The following NKAIN3 variants were observed in gnomAD, a reference collection of about 807,000 sequenced individuals.
The protein encoded by NKAIN3 is sodium/potassium transporting ATPase interacting 3.
A neutral mutation model predicts 30.2 loss-of-function variants in NKAIN3; 25 were observed. The observed-to-expected ratio is 0.83, with a 90% CI of 0.60 to 1.16. The LOEUF (loss-of-function observed/expected upper bound fraction) is 1.16, where lower values mean the gene tolerates loss of function less well. NKAIN3 is among the 50% of genes most tolerant of loss of function. The probability of loss-of-function intolerance (pLI) is 0.00; values close to 1 mark genes in which losing one functional copy is unlikely to be tolerated. For synonymous variants in NKAIN3, 91 were observed against 89.6 expected, an observed-to-expected ratio of 1.02 and a Z score of -0.09; for missense variants, 225 against 254.1, an observed-to-expected ratio of 0.89 and a Z score of 0.78.
chr8:62,855,466 A>T, intron 4 of NKAIN3: 24 of 1,276,176 alleles, frequency 1.9e-5, no homozygotes, highest in Non-Finnish European at 2.6e-5. Flanking sequence ...TGCTTCCAAA[A>T]TCTTCATTAT....
chr8:62,489,183 A>ATG (rs1806993792), intron 1 of NKAIN3, among the ~76,000 whole-genome samples: 1 of 142,592 alleles, frequency 7.0e-6, no homozygotes, highest in Non-Finnish European at 1.5e-5. Context: ...CACCTGGCTA[A>ATG]TTTTTTTTTT....
At chr8:62,399,752 A>T (rs1313835957) in intron 1 of NKAIN3, among the ~76,000 whole-genome samples, 1 of 152,192 alleles carries the variant, frequency 6.6e-6, no homozygotes, top group Non-Finnish European at 1.5e-5. Flanking sequence ...CATCTGCCTA[A>T]ATGAAAGACA....
chr8:62,619,759 C>A (rs1811567279), intron 3 of NKAIN3, among the ~76,000 whole-genome samples: 1 of 150,614 alleles, frequency 6.6e-6, no homozygotes, highest in Non-Finnish European at 1.5e-5. Context: ...GTTGGTAAAA[C>A]CACTGAACGA....
intron 4 of NKAIN3, among the ~76,000 whole-genome samples, chr8:62,891,171 T>C (rs1186229395): frequency 2.0e-5 from 3 of 152,152 alleles, no homozygotes; most frequent in Non-Finnish European, 4.4e-5. Context: ...AGACCCACCG[T>C]CAATGTGGGT....
At chr8:62,684,102 G>A (rs1187822021) in intron 3 of NKAIN3, among the ~76,000 whole-genome samples, 1 of 152,066 alleles carries the variant, frequency 6.6e-6, no homozygotes, top group Non-Finnish European at 1.5e-5. Flanking sequence ...TCAACTTGAG[G>A]TCCACAGGCC....
intron 1 of NKAIN3, among the ~76,000 whole-genome samples, chr8:62,394,313 C>A (rs898754753): frequency 1.3e-5 from 2 of 151,932 alleles, no homozygotes; most frequent in African/African-American, 4.8e-5. Flanking sequence ...CTAAGATAAT[C>A]TTACAGTTTT....
intron 1 of NKAIN3, among the ~76,000 whole-genome samples, chr8:62,536,160 T>C (rs1808654842): frequency 6.6e-6 from 1 of 152,158 alleles, no homozygotes; most frequent in South Asian, 2.1e-4. Context: ...GGAGCATTAA[T>C]TATAAGTGAA....
intron 4 of NKAIN3, among the ~76,000 whole-genome samples, chr8:62,905,116 T>A (rs1283410842): frequency 1.3e-5 from 2 of 152,026 alleles, no homozygotes; most frequent in Non-Finnish European, 2.9e-5. Context: ...AGACTAGAGA[T>A]GGATCAACTA....
chr8:62,496,535 C>A (rs917654865), intron 1 of NKAIN3, among the ~76,000 whole-genome samples: 1 of 152,152 alleles, frequency 6.6e-6, no homozygotes, highest in Admixed American at 6.6e-5. Context: ...CTGGTTAACA[C>A]ATAAAACTGC....
intron 4 of NKAIN3, among the ~76,000 whole-genome samples, chr8:62,910,876 A>G (rs1261435611): frequency 6.6e-6 from 1 of 152,116 alleles, no homozygotes; most frequent in Non-Finnish European, 1.5e-5. Context: ...TGTTCTCAAG[A>G]GACGTTCTCA....
At chr8:62,775,150 G>A (rs1048474700) in intron 4 of NKAIN3, among the ~76,000 whole-genome samples, 2 of 151,942 alleles carry the variant, frequency 1.3e-5, no homozygotes, top group African/African-American at 4.8e-5. Flanking sequence ...ATGTGTCCAG[G>A]AATTTATCTA....
intron 1 of NKAIN3, among the ~76,000 whole-genome samples, chr8:62,571,100 G>C (rs1235255822): frequency 6.6e-6 from 1 of 151,214 alleles, no homozygotes; most frequent in South Asian, 2.1e-4. Context: ...GTATTTCCTA[G>C]GCCATTTCAA....
chr8:62,829,464 G>C (rs562171169), intron 4 of NKAIN3, among the ~76,000 whole-genome samples: 25 of 152,234 alleles, frequency 1.6e-4, no homozygotes, highest in African/African-American at 5.5e-4. Flanking sequence ...AAAAAATACC[G>C]TAAGCAAACC....
At chr8:62,337,222 G>C (rs576456394) in intron 1 of NKAIN3, among the ~76,000 whole-genome samples, 1 of 152,020 alleles carries the variant, frequency 6.6e-6, no homozygotes, top group Non-Finnish European at 1.5e-5. Context: ...ATTTTCACTG[G>C]TCAATGCAAT....
chr8:62,305,160 A>T lies in NKAIN3; in HGVS notation c.54+56033A>T, dbSNP rs142059539. Among the ~76,000 whole-genome samples the T allele has an allele frequency of 2.5e-3, 375 of 149,384 alleles. 26 individuals are homozygous for T. The highest frequency in any genetic ancestry group is 8.7e-3 in the African/African-American group (340 of 38,862). ...TATCATAGCATGTTACTCACCATTC[A>T]TTATATAATACTTAAAGGATTTTTT... is the stretch of plus-strand genomic sequence containing the variant. On this transcript the variant is annotated intron_variant, in intron 1 of 6. Coordinates refer to ENST00000623646, the MANE Select transcript of NKAIN3 (RefSeq NM_001304533.3).
chr8:62,775,367 G>A (rs1817158239), intron 4 of NKAIN3, among the ~76,000 whole-genome samples: 1 of 151,606 alleles, frequency 6.6e-6, no homozygotes. Flanking sequence ...TTTTCATTTT[G>A]TTGATAGTCT....
At chr8:62,832,544 AG>A (rs1819230784) in intron 4 of NKAIN3, among the ~76,000 whole-genome samples, 1 of 151,948 alleles carries the variant, frequency 6.6e-6, no homozygotes, top group African/African-American at 2.4e-5. Flanking sequence ...TCAAAGTAAA[AG>A]GTTGGAGTAA....
At position 62,965,786 on chromosome 8, in the gene NKAIN3, T is replaced by C. The variant is rs1823695737; in HGVS notation, c.*379T>C. ...GATGTTAAGTCAGCACTGCTGACTGTTGAAGTTATTCTAGGCCTGATGAAT... is the reference window on the plus strand; with the variant it reads ...GATGTTAAGTCAGCACTGCTGACTGCTGAAGTTATTCTAGGCCTGATGAAT... On this transcript the variant is annotated 3_prime_UTR_variant, in exon 7 of 7. Coordinates refer to ENST00000623646, the MANE Select transcript of NKAIN3 (RefSeq NM_001304533.3). 1 of 985,154 alleles carries C rather than the reference T, an allele frequency of 1.0e-6. No homozygotes were observed. The highest frequency in any genetic ancestry group is 1.7e-5 in the African/African-American group (1 of 57,250). 61.0% of individuals were successfully genotyped at this position (985,154 alleles called of 1,614,324 possible).
At chr8:62,342,050 G>A (rs1390191760) in intron 1 of NKAIN3, among the ~76,000 whole-genome samples, 1 of 151,872 alleles carries the variant, frequency 6.6e-6, no homozygotes, top group Non-Finnish European at 1.5e-5. Context: ...CTATCTCCCA[G>A]TGTAAATTTC....
Sources: allele counts gnomAD v4.1 joint callset (sites outside exome capture counted in the v4.1 genomes callset), GRCh38; gene constraint gnomAD v4.1.1; transcripts MANE v1.5; gene names NCBI Gene and HGNC (gene_info 2026-07-23, HGNC 2026-07-21).